The following STAB2 variants were observed in gnomAD, a reference collection of about 807,000 sequenced individuals.
STAB2 encodes stabilin 2.
In STAB2, 288 loss-of-function variants were observed where a neutral mutation model predicts 338.1. That is an observed-to-expected ratio of 0.85 (90% CI 0.77 to 0.94). The LOEUF is 0.94. STAB2 is among the 40% of genes least tolerant of loss of function. The probability of loss-of-function intolerance (pLI) is 0.00; values close to 1 mark genes in which losing one functional copy is unlikely to be tolerated. For missense variants in STAB2, 3,141 were observed against 3,210.1 expected (o/e 0.98, Z 0.52); for synonymous variants, 1,202 against 1,193.3 (o/e 1.01, Z -0.15).
Position 103,735,580 on chromosome 12 carries a change from CGTGA to C in STAB2, c.5550+3_5550+6del. 1.2e-6 allele frequency: 1 copy of C among 820,478 alleles called. No individual in the cohort carries two copies. Among genetic ancestry groups the C allele is most frequent in the Non-Finnish European group, 1.9e-6 (1 of 529,564 alleles). The allele number at this position is 820,478 out of a possible 1,614,324, so 50.8% of individuals were successfully genotyped here. On this transcript the variant is annotated splice_donor_variant and splice_donor_region_variant and intron_variant, in intron 52 of 68. Coordinates refer to ENST00000388887, the MANE Select transcript of STAB2 (RefSeq NM_017564.10). LOFTEE classifies it high-confidence loss of function. ...TGAAATGTGGAGCTGGCAGGGACAT[CGTGA>C]GTATCATCATGAAGGGTGGGCAGGG...
At chr12:103,732,632 C>T (rs1340791657) in intron 50 of STAB2, among the ~76,000 whole-genome samples, 1 of 152,094 alleles carries the variant, frequency 6.6e-6, no homozygotes. Context: ...ATGGCGAAAC[C>T]CCATCTCTAC....
At chr12:103,758,673 T>TCAG (rs1171774184) in intron 64 of STAB2, among the ~76,000 whole-genome samples, 1 of 152,182 alleles carries the variant, frequency 6.6e-6, no homozygotes, top group Admixed American at 6.5e-5. Flanking sequence ...GAGCCCAAAG[T>TCAG]CAGCATGGGG....
At chr12:103,703,396 A>AT in intron 35 of STAB2, 120 bp downstream of exon 35, 2 of 1,273,122 alleles carry the variant, frequency 1.6e-6, no homozygotes, top group Non-Finnish European at 2.2e-6. Context: ...AAACCACTGA[A>AT]TGAGTATCTT....
intron 34 of STAB2, among the ~76,000 whole-genome samples, 163 bp from the exon 35 acceptor site, chr12:103,702,985 C>T (rs1045518757): frequency 6.6e-6 from 1 of 152,234 alleles, no homozygotes; most frequent in African/African-American, 2.4e-5. Flanking sequence ...TTCAGACTTC[C>T]GCTCCTAAGT....
rs555980366 is a variant in STAB2 at position 103,715,075 on chromosome 12, C to G, written c.4538-740C>G. On this transcript the variant is annotated intron_variant, in intron 42 of 68. Transcript: ENST00000388887. Reference sequence around the variant, plus strand: ...TTTGCTTTGTGTCTTATGACATTAACACATGGGAATAATATCCTCCACCTC... The same window carrying G: ...TTTGCTTTGTGTCTTATGACATTAAGACATGGGAATAATATCCTCCACCTC... Among the ~76,000 whole-genome samples, 14 of 152,276 alleles carry G rather than the reference C, an allele frequency of 9.2e-5. No homozygotes were observed. In the East Asian group the frequency reaches 2.1e-3, roughly 23 times the overall value.
chr12:103,746,016 G>A (rs1288309009), intron 57 of STAB2, among the ~76,000 whole-genome samples: 1 of 152,146 alleles, frequency 6.6e-6, no homozygotes, highest in East Asian at 1.9e-4. Flanking sequence ...ACAGGGCATG[G>A]CGAGGCCCTA....
rs150607575 is a variant in STAB2, at chr12:103,602,062, C to T, written c.331+7552C>T. On this transcript the variant is annotated intron_variant, in intron 3 of 68. Transcript: ENST00000388887. ...CAAACCTGAAGAGTTGTGTGGCAAC[C>T]GCCACAATTAAGATAGGGAACAGTT... Among the ~76,000 whole-genome samples the T allele has an allele frequency of 3.9e-5, 6 of 152,186 alleles. No individual in the cohort carries two copies. The East Asian group carries it at 5.8e-4, about 15-fold the overall frequency.
At chr12:103,753,985 T>C (rs1418390477) in intron 61 of STAB2, among the ~76,000 whole-genome samples, 3 of 152,190 alleles carry the variant, frequency 2.0e-5, no homozygotes, top group East Asian at 1.9e-4. Flanking sequence ...TCTTAACCTC[T>C]AAAACTAGAA....
chr12:103,637,966 T>A (rs1473676976), intron 7 of STAB2, 50 bp from the exon 8 acceptor site: 1 of 1,571,192 alleles, frequency 6.4e-7, no homozygotes, highest in Admixed American at 1.7e-5. Context: ...CAGTTTTCCT[T>A]CTCCATCCCC....
intron 3 of STAB2, among the ~76,000 whole-genome samples, chr12:103,616,840 G>A (rs145793557): frequency 9.2e-5 from 14 of 152,220 alleles, no homozygotes; most frequent in African/African-American, 2.7e-4. Context: ...GATGGTGAAC[G>A]ATTTATGAAG....
At chr12:103,758,034 C>A in intron 63 of STAB2, 136 bp from the exon 64 acceptor site, 1 of 1,309,466 alleles carries the variant, frequency 7.6e-7, no homozygotes, top group Non-Finnish European at 1.0e-6. Context: ...GCAGAAGACA[C>A]AGCAAAGGAG....
intron 55 of STAB2, 46 bp from the exon 56 acceptor site, chr12:103,742,359 C>G (rs1053980473): frequency 4.4e-6 from 7 of 1,602,652 alleles, no homozygotes; most frequent in Non-Finnish European, 5.1e-6. Flanking sequence ...CTGAGCTGCT[C>G]TGGCTTTGGG....
At chr12:103,762,252 C>T (rs1170307827) in intron 66 of STAB2, 22 bp from the exon 67 acceptor site, 24 of 1,612,488 alleles carry the variant, frequency 1.5e-5, no homozygotes, top group Non-Finnish European at 2.0e-5. Context: ...AGAATGGGCC[C>T]CTTTCCTTTC....
rs563661337 is a variant in STAB2, at chr12:103,604,444, C to A, written c.331+9934C>A. ...AGTTTTTGTAAAACTGATATAACTTCTTCCTTACATGTGAGATAGTATTCA... is the reference window on the plus strand; with the variant it reads ...AGTTTTTGTAAAACTGATATAACTTATTCCTTACATGTGAGATAGTATTCA... On this transcript the variant is annotated intron_variant, in intron 3 of 68. Coordinates refer to ENST00000388887, the MANE Select transcript of STAB2 (RefSeq NM_017564.10). Among the ~76,000 whole-genome samples, 6 of 152,102 alleles carry A rather than the reference C, an allele frequency of 3.9e-5. No individual in the cohort carries two copies. In the East Asian group the frequency reaches 1.2e-3, roughly 29 times the overall value.
In STAB2 at chr12:103,745,395, A is replaced by G. The variant is rs17034460; in HGVS notation, c.6136+118A>G. ...CTGAAAAAAGTGACAAAGCAGGTCC[A>G]TGTGGTAAAAGATAATTCAGATCTG... is the stretch of plus-strand genomic sequence containing the variant. On this transcript the variant is annotated intron_variant, in intron 57 of 68. Coordinates refer to ENST00000388887, the MANE Select transcript of STAB2 (RefSeq NM_017564.10). 2.6e-3 allele frequency: 2,273 copies of G among 880,820 alleles called. 32 individuals carry two copies. The African/African-American group carries it at 0.034, about 13-fold the overall frequency. 54.6% of individuals were successfully genotyped at this position (880,820 alleles called of 1,614,324 possible).
In STAB2 at chr12:103,755,367, C is replaced by T. The variant is rs367716332; in HGVS notation, c.6780C>T (p.Phe2260=). The T allele has an allele frequency of 9.3e-6, 15 of 1,614,116 alleles. No individual in the cohort carries two copies. The highest frequency in any genetic ancestry group is 1.6e-4 in the Middle Eastern group (1 of 6,062). The part of the protein sequence containing the change: ...ETGRVAYPTA[F]ASQNCGSGVV... ...GGCGGGTTGCCTACCCCACAGCCTT[C>T]GCCTCCCAGAACTGTGGCTCTGGTG... Residue 2260 remains phenylalanine, a synonymous_variant, in exon 62 of 69, where the codon TTC becomes TTT. Coordinates refer to ENST00000388887, the MANE Select transcript of STAB2 (RefSeq NM_017564.10).
At position 103,750,700 on chromosome 12, in the gene STAB2, G is replaced by T; in HGVS notation, c.6560G>T (p.Cys2187Phe). Reference protein sequence around the residue: ...DNGQCHADAKCVDLHFQDTTV... With the variant: ...DNGQCHADAKFVDLHFQDTTV... Reference sequence around the variant, plus strand: ...GGGCAGTGCCATGCAGACGCCAAATGTGTCGACCTCCACTTCCAGGGTTAG... The same window carrying T: ...GGGCAGTGCCATGCAGACGCCAAATTTGTCGACCTCCACTTCCAGGGTTAG... The change falls in exon 60 of 69, where the codon TGT (cysteine) becomes TTT (phenylalanine). Residue 2187 changes from cysteine (C) to phenylalanine (F), a missense_variant. Coordinates refer to ENST00000388887, the MANE Select transcript of STAB2 (RefSeq NM_017564.10). The T allele has an allele frequency of 6.2e-7, 1 of 1,613,882 alleles. No homozygotes were observed. The highest frequency in any genetic ancestry group is 8.5e-7 in the Non-Finnish European group (1 of 1,179,766).
chr12:103,730,482 A>G (rs1006341854), intron 49 of STAB2, among the ~76,000 whole-genome samples: 1 of 152,240 alleles, frequency 6.6e-6, no homozygotes. Context: ...CCACAAGGAC[A>G]GGTAGTCTTA....
At position 103,685,469 on chromosome 12, in the gene STAB2, T is replaced by C. The variant is rs1341322548; in HGVS notation, c.2997+385T>C. 7.3e-4 allele frequency among the ~76,000 whole-genome samples: 103 copies of C among 140,806 alleles called. No individual in the cohort carries two copies. In the East Asian group the frequency reaches 0.018, roughly 25 times the overall value. The allele number at this position is 140,806 out of a possible 152,430, so 92.4% of individuals were successfully genotyped here. On this transcript the variant is annotated intron_variant, in intron 27 of 68. Coordinates refer to ENST00000388887, the MANE Select transcript of STAB2 (RefSeq NM_017564.10). ...GTGTGTGTGTGCGCGTGCGTGTGTG[T>C]GTGCGTGCGCGCATGTGTGTGTGTG...
Sources: gnomAD v4.1 joint callset for allele counts (sites outside exome capture counted in the v4.1 genomes callset) on GRCh38, gnomAD v4.1.1 for gene constraint, MANE v1.5 for transcripts, NCBI Gene and HGNC (gene_info 2026-07-23, HGNC 2026-07-21) for gene names.